The following JUN variants were observed in gnomAD, a reference collection of about 807,000 sequenced individuals.
JUN encodes the protein transcription factor Jun.
Under a neutral mutation model 19.7 loss-of-function variants are expected in JUN, and 7 were observed. That is an observed-to-expected ratio of 0.36 (90% CI 0.20 to 0.67). JUN has a LOEUF of 0.67. JUN is among the 30% of genes least tolerant of loss of function. The pLI is 0.64. For synonymous variants in JUN, 246 were observed against 206.9 expected (o/e 1.19, Z -1.62); for missense variants, 373 against 451.0 (o/e 0.83, Z 1.57).
chr1:58,783,523 G>A lies in JUN; in HGVS notation c.-453C>T, dbSNP rs1423229363. 2 of 250,054 alleles carry A rather than the reference G, an allele frequency of 8.0e-6. No homozygotes were observed. Among genetic ancestry groups the A allele is most frequent in the Non-Finnish European group, 8.4e-6 (1 of 119,462 alleles). The allele number at this position is 250,054 out of a possible 1,614,324, so 15.5% of individuals were successfully genotyped here. On this transcript the variant is annotated 5_prime_UTR_variant, in exon 1 of 1. Transcript: ENST00000371222. Reference sequence around the variant, plus strand: ...TCCTCCGCTGCTAGGGGGAGGGGGCGCCCGGCAGCCGCGGCTCGCGCTCGC... The same window carrying A: ...TCCTCCGCTGCTAGGGGGAGGGGGCACCCGGCAGCCGCGGCTCGCGCTCGC...
Position 58,783,203 on chromosome 1 carries a change from G to T in JUN, c.-133C>A, listed in dbSNP as rs1207972805. ...TGACAGGGAAAGTTTCTCTAAGAGCGCACGCACCCGCTGGCTGTCGTCCCC... is the reference window on the plus strand; with the variant it reads ...TGACAGGGAAAGTTTCTCTAAGAGCTCACGCACCCGCTGGCTGTCGTCCCC... On this transcript the variant is annotated 5_prime_UTR_variant, in exon 1 of 1. Transcript: ENST00000371222. 1.5e-6 allele frequency: 2 copies of T among 1,375,064 alleles called. No individual in the cohort carries two copies. Among genetic ancestry groups the T allele is most frequent in the Non-Finnish European group, 2.0e-6 (2 of 1,016,896 alleles). The allele number at this position is 1,375,064 out of a possible 1,614,324, so 85.2% of individuals were successfully genotyped here. A position where few individuals can be genotyped will look rare whatever the true frequency, so the allele number is the denominator to read the frequency against.
Position 58,781,263 on chromosome 1 carries a change from T to A in JUN, c.*812A>T, listed in dbSNP as rs996134137. ...ATTTTAATCGACATTCTTAACTCTT[T>A]CAACTCCACCTAGATAGCTAGTATC... On this transcript the variant is annotated 3_prime_UTR_variant, in exon 1 of 1. Coordinates refer to ENST00000371222, the MANE Select transcript of JUN (RefSeq NM_002228.4). The A allele has an allele frequency of 8.6e-6, 2 of 232,968 alleles. No individual in the cohort carries two copies. The allele number at this position is 232,968 out of a possible 1,614,324, so 14.4% of individuals were successfully genotyped here.
rs1645569028 is a variant in JUN, at chr1:58,780,815, G to A, written c.*1260C>T. 1 of 232,472 alleles carries A rather than the reference G, an allele frequency of 4.3e-6. No individual in the cohort carries two copies. Among genetic ancestry groups the A allele is most frequent in the African/African-American group, 2.2e-5 (1 of 45,428 alleles). The allele number at this position is 232,472 out of a possible 1,614,324, so 14.4% of individuals were successfully genotyped here. A position where few individuals can be genotyped will look rare whatever the true frequency, so the allele number is the denominator to read the frequency against. ...ATTGGTATTTGAATACATTTATTGT[G>A]ACAAGAATGCTGTTATAAATATTCA... On this transcript the variant is annotated 3_prime_UTR_variant, in exon 1 of 1. Coordinates refer to ENST00000371222, the MANE Select transcript of JUN (RefSeq NM_002228.4).
rs1645581714 is a variant in JUN, at chr1:58,782,421, A to C, written c.650T>G (p.Val217Gly). 4 of 1,608,756 alleles carry C rather than the reference A, an allele frequency of 2.5e-6. No individual in the cohort carries two copies. Among genetic ancestry groups the C allele is most frequent in the Non-Finnish European group, 3.4e-6 (4 of 1,177,628 alleles). ...PPHHLPQQMP[V>G]QHPRLQALKE... is the part of the protein sequence containing the mutation. ...CAGGGCCTGCAGCCGCGGGTGCTGC[A>C]CGGGCATCTGCTGGGGCAGGTGGTG... is the stretch of plus-strand genomic sequence containing the variant. The change falls in exon 1 of 1, where the codon GTG (valine) becomes GGG (glycine). Residue 217 changes from valine (V) to glycine (G), a missense_variant. Transcript: ENST00000371222. This position sits in a 1 kb window ranked among gnomAD's most constrained non-coding sequence, Gnocchi z 8.7.
rs773634509 is a variant in JUN, at chr1:58,782,989, A to G, written c.82T>C (p.Tyr28His). ...FLPSESGPYG[Y>H]SNPKILKQSM... ...TGTTTCAGGATCTTGGGGTTACTGT[A>G]GCCATAAGGTCCGCTCTCGGACGGG... Residue 28 changes from tyrosine (Y) to histidine (H), a missense_variant, in exon 1 of 1, where the codon TAC (tyrosine) becomes CAC (histidine). Transcript: ENST00000371222. The surrounding 1 kb of genome is among the most constrained non-coding windows in gnomAD (Gnocchi z 8.7). 1.9e-6 allele frequency: 3 copies of G among 1,614,180 alleles called. No homozygotes were observed. The highest frequency in any genetic ancestry group is 2.5e-6 in the Non-Finnish European group (3 of 1,180,036).
Position 58,782,955 on chromosome 1 carries a change from G to T in JUN, c.116C>A (p.Thr39Asn). The T allele has an allele frequency of 1.2e-6, 2 of 1,614,256 alleles. No individual in the cohort carries two copies. The highest frequency in any genetic ancestry group is 1.7e-6 in the Non-Finnish European group (2 of 1,180,052). Residue 39 changes from threonine (T) to asparagine (N), a missense_variant, in exon 1 of 1, where the codon ACC (threonine) becomes AAC (asparagine). Transcript: ENST00000371222. This position sits in a 1 kb window ranked among gnomAD's most constrained non-coding sequence, Gnocchi z 8.7. ...SNPKILKQSM[T>N]LNLADPVGSL... ...CCCCACTGGGTCGGCCAGGTTCAGG[G>T]TCATGCTCTGTTTCAGGATCTTGGG...
In JUN at chr1:58,782,365, GCAT is replaced by G; in HGVS notation, c.703_705del (p.Met235del). 6.2e-7 allele frequency: 1 copy of G among 1,613,936 alleles called. No individual in the cohort carries two copies. The highest frequency in any genetic ancestry group is 8.5e-7 in the Non-Finnish European group (1 of 1,179,826). ...GGGGACAGGGGCGGTGTCTCGCCGG[GCAT>G]CTCGGGCACTGTCTGAGGCTCCTCC... On this transcript the variant is annotated inframe_deletion, in exon 1 of 1. Coordinates refer to ENST00000371222, the MANE Select transcript of JUN (RefSeq NM_002228.4). This position sits in a 1 kb window ranked among gnomAD's most constrained non-coding sequence, Gnocchi z 8.7.
chr1:58,781,140 A>G lies in JUN; in HGVS notation c.*935T>C, dbSNP rs764081899. On this transcript the variant is annotated 3_prime_UTR_variant, in exon 1 of 1. Coordinates refer to ENST00000371222, the MANE Select transcript of JUN (RefSeq NM_002228.4). ...TATAGATAGCTGGGGGAGGAGGAGT[A>G]TAACCTGACCATAGCATCAGGTACA... The G allele has an allele frequency of 4.3e-6, 1 of 233,180 alleles. No homozygotes were observed. The highest frequency in any genetic ancestry group is 8.5e-6 in the Non-Finnish European group (1 of 117,908). The allele number at this position is 233,180 out of a possible 1,614,324, so 14.4% of individuals were successfully genotyped here. A position where few individuals can be genotyped will look rare whatever the true frequency, so the allele number is the denominator to read the frequency against.
chr1:58,781,242 T>C lies in JUN; in HGVS notation c.*833A>G. 1 of 233,264 alleles carries C rather than the reference T, an allele frequency of 4.3e-6. No homozygotes were observed. Among genetic ancestry groups the C allele is most frequent in the Non-Finnish European group, 8.5e-6 (1 of 117,774 alleles). The allele number at this position is 233,264 out of a possible 1,614,324, so 14.4% of individuals were successfully genotyped here. On this transcript the variant is annotated 3_prime_UTR_variant, in exon 1 of 1. Coordinates refer to ENST00000371222, the MANE Select transcript of JUN (RefSeq NM_002228.4). Reference sequence around the variant, plus strand: ...TAGTAAGAAGCACTGAGAGTGATTTTAATCGACATTCTTAACTCTTTCAAC... The same window carrying C: ...TAGTAAGAAGCACTGAGAGTGATTTCAATCGACATTCTTAACTCTTTCAAC...
chr1:58,783,110 C>A lies in JUN; in HGVS notation c.-40G>T, dbSNP rs777793342. The A allele has an allele frequency of 3.8e-6, 6 of 1,574,238 alleles. No homozygotes were observed. The East Asian group carries it at 1.1e-4, about 30-fold the overall frequency. ...CTTCACGTGAGGTTAGTTTGGGCTG[C>A]GCGCACAAGTTTCGGGGCCGCAACA... is the stretch of plus-strand genomic sequence containing the variant. On this transcript the variant is annotated 5_prime_UTR_variant, in exon 1 of 1. Coordinates refer to ENST00000371222, the MANE Select transcript of JUN (RefSeq NM_002228.4).
chr1:58,780,940 G>C lies in JUN; in HGVS notation c.*1135C>G. 4.3e-6 allele frequency: 1 copy of C among 233,146 alleles called. No homozygotes were observed. The highest frequency in any genetic ancestry group is 8.5e-6 in the Non-Finnish European group (1 of 117,982). 14.4% of individuals were successfully genotyped at this position (233,146 alleles called of 1,614,324 possible). On this transcript the variant is annotated 3_prime_UTR_variant, in exon 1 of 1. Coordinates refer to ENST00000371222, the MANE Select transcript of JUN (RefSeq NM_002228.4). ...AATCTGCCACCAATTCCTGCTTTGAGAATAAGCACCTATTGTAAAATTTCT... is the reference window on the plus strand; with the variant it reads ...AATCTGCCACCAATTCCTGCTTTGACAATAAGCACCTATTGTAAAATTTCT...
rs1645575563 is a variant in JUN at position 58,781,745 on chromosome 1, A to G, written c.*330T>C. ...CCTCCCCCTCCCCCCTTTAATACTG[A>G]ATGAGATCGAATGTTAGGTCCATGC... On this transcript the variant is annotated 3_prime_UTR_variant, in exon 1 of 1. Coordinates refer to ENST00000371222, the MANE Select transcript of JUN (RefSeq NM_002228.4). 4.1e-6 allele frequency: 1 copy of G among 242,656 alleles called. No individual in the cohort carries two copies. Among genetic ancestry groups the G allele is most frequent in the Non-Finnish European group, 7.9e-6 (1 of 125,962 alleles). 15.0% of individuals were successfully genotyped at this position (242,656 alleles called of 1,614,324 possible). A position where few individuals can be genotyped will look rare whatever the true frequency, so the allele number is the denominator to read the frequency against.
At position 58,781,995 on chromosome 1, in the gene JUN, C is replaced by G. The variant is rs1034170113; in HGVS notation, c.*80G>C. On this transcript the variant is annotated 3_prime_UTR_variant, in exon 1 of 1. Coordinates refer to ENST00000371222, the MANE Select transcript of JUN (RefSeq NM_002228.4). ...TCGGACACTTCTTTTTTCTCTCCGT[C>G]GCAACTTGTCAAGTTCTCAAGTCTG... 22 of 1,212,964 alleles carry G rather than the reference C, an allele frequency of 1.8e-5. No homozygotes were observed. The highest frequency in any genetic ancestry group is 2.6e-5 in the Non-Finnish European group (22 of 846,912). 75.1% of individuals were successfully genotyped at this position (1,212,964 alleles called of 1,614,324 possible). A position where few individuals can be genotyped will look rare whatever the true frequency, so the allele number is the denominator to read the frequency against.
In JUN at chr1:58,782,029, T is replaced by C. The variant is rs1479087171; in HGVS notation, c.*46A>G. On this transcript the variant is annotated 3_prime_UTR_variant, in exon 1 of 1. Transcript: ENST00000371222. This position sits in a 1 kb window ranked among gnomAD's most constrained non-coding sequence, Gnocchi z 8.7. The stretch of plus-strand genomic sequence containing the variant: ...TCAAGTTCTCAAGTCTGTCTCTCTG[T>C]GTTATTTTTTTTCTTCGTTGCCCCT... The C allele has an allele frequency of 2.1e-6, 3 of 1,430,310 alleles. No homozygotes were observed. The highest frequency in any genetic ancestry group is 2.9e-6 in the Non-Finnish European group (3 of 1,022,938). 88.6% of individuals were successfully genotyped at this position (1,430,310 alleles called of 1,614,324 possible).
In JUN at chr1:58,783,047, G is replaced by A. The variant is rs762524747; in HGVS notation, c.24C>T (p.Thr8=). Residue 8 remains threonine, a synonymous_variant, in exon 1 of 1, where the codon ACC becomes ACT. Coordinates refer to ENST00000371222, the MANE Select transcript of JUN (RefSeq NM_002228.4). MTAKMET[T]FYDDALNASF... ...AGGCGTTGAGGGCATCGTCATAGAA[G>A]GTCGTTTCCATCTTTGCAGTCATAG... 3.7e-6 allele frequency: 6 copies of A among 1,613,958 alleles called. No individual in the cohort carries two copies. In the East Asian group the frequency reaches 6.7e-5, roughly 18 times the overall value.
chr1:58,783,687 C>CTG lies in JUN; in HGVS notation c.-619_-618dup, dbSNP rs4647009. The CTG allele has an allele frequency of 0.085, 21,079 of 247,912 alleles. 1,680 individuals carry two copies. The highest frequency in any genetic ancestry group is 0.25 in the African/African-American group (11,239 of 45,410). The allele number at this position is 247,912 out of a possible 1,614,324, so 15.4% of individuals were successfully genotyped here. On this transcript the variant is annotated 5_prime_UTR_variant, in exon 1 of 1. Coordinates refer to ENST00000371222, the MANE Select transcript of JUN (RefSeq NM_002228.4). Reference sequence around the variant, plus strand: ...GCTTGCAAAAGTTGGCTCCGGGACTCTGCCACTTGTCTCCGGTCCTCCCAG... The same window carrying CTG: ...GCTTGCAAAAGTTGGCTCCGGGACTCTGTGCCACTTGTCTCCGGTCCTCCCAG...
rs1440336988 is a variant in JUN, at chr1:58,781,383, T to TA, written c.*691dup. 4 of 228,524 alleles carry TA rather than the reference T, an allele frequency of 1.8e-5. No individual in the cohort carries two copies. Among genetic ancestry groups the TA allele is most frequent in the Non-Finnish European group, 2.6e-5 (3 of 115,022 alleles). The allele number at this position is 228,524 out of a possible 1,614,324, so 14.2% of individuals were successfully genotyped here. On this transcript the variant is annotated 3_prime_UTR_variant, in exon 1 of 1. Transcript: ENST00000371222. ...TTCTGGAATTTTCAGAAACAAAACA[T>TA]AAAAAAATTATATACTTTATTACAA...
In JUN at chr1:58,782,565, A is replaced by T. The variant is rs1471498107; in HGVS notation, c.506T>A (p.Val169Asp). ...GTTGAAGTTGCTGAGGTTTGCGTAG[A>T]CCGGCGGCTCGCTGTGCAGGCTGGC... is the stretch of plus-strand genomic sequence containing the variant. ...FSASLHSEPP[V>D]YANLSNFNPG... The change falls in exon 1 of 1, where the codon GTC becomes GAC. Residue 169 changes from valine (V) to aspartate (D), a missense_variant. Transcript: ENST00000371222. This position sits in a 1 kb window ranked among gnomAD's most constrained non-coding sequence, Gnocchi z 8.7. 2 of 1,579,500 alleles carry T rather than the reference A, an allele frequency of 1.3e-6. No individual in the cohort carries two copies. The highest frequency in any genetic ancestry group is 1.3e-5 in the African/African-American group (1 of 74,348).
chr1:58,782,478 G>C lies in JUN; in HGVS notation c.593C>G (p.Pro198Arg). The C allele has an allele frequency of 1.3e-6, 2 of 1,584,228 alleles. No homozygotes were observed. The highest frequency in any genetic ancestry group is 1.7e-6 in the Non-Finnish European group (2 of 1,170,824). The change falls in exon 1 of 1, where the codon CCC becomes CGC. Residue 198 changes from proline (P) to arginine (R), a missense_variant. Pro to Arg is a moderately radical substitution (Grantham distance 103). Transcript: ENST00000371222. The surrounding 1 kb of genome is among the most constrained non-coding windows in gnomAD (Gnocchi z 8.7). ...PSYGAAGLAF[P>R]AQPQQQQQPP... ...CTGCTGCTGCTGCTGGGGTTGCGCG[G>C]GAAAGGCCAGGCCGGCCGCGCCGTA...
Sources: allele counts gnomAD v4.1 joint callset, GRCh38; gene constraint gnomAD v4.1.1; non-coding constraint Gnocchi (gnomAD v3.1); transcripts MANE v1.5; gene names NCBI Gene and HGNC (gene_info 2026-07-23, HGNC 2026-07-21).